The following TMEM165 variants were observed in gnomAD, a reference collection of about 807,000 sequenced individuals.
TMEM165 encodes putative divalent cation/proton antiporter TMEM165.
In TMEM165, 19 loss-of-function variants were observed where a neutral mutation model predicts 30.0. The ratio of observed to expected loss-of-function variants is 0.63; its 90% CI spans 0.44 to 0.93. The LOEUF is 0.93. TMEM165 is among the 40% of genes least tolerant of loss of function. TMEM165 has a pLI of 0.00. For missense variants in TMEM165, 340 were observed against 417.0 expected, an observed-to-expected ratio of 0.82 and a Z score of 1.61; for synonymous variants, 168 against 162.9, an observed-to-expected ratio of 1.03 and a Z score of -0.24.
chr4:55,448,677 A>C, intron 3 of TMEM165: 1 of 761,606 alleles, frequency 1.3e-6, no homozygotes, highest in Non-Finnish European at 2.2e-6. Flanking sequence ...AGCTGTGGCT[A>C]CAGGTGCTTG....
chr4:55,433,496 C>G (rs894298449), intron 3 of TMEM165: 61 of 152,192 alleles, frequency 4.0e-4, no homozygotes, highest in African/African-American at 1.4e-3. Context: ...TTAGCATTCC[C>G]CTGACCTCTT....
At chr4:55,414,475 T>C (rs1721648980) in intron 2 of TMEM165, among the ~76,000 whole-genome samples, 1 of 152,158 alleles carries the variant, frequency 6.6e-6, no homozygotes, top group Non-Finnish European at 1.5e-5. Flanking sequence ...CTGGGATACA[T>C]GTGCAGAACG....
At chr4:55,433,708 T>C (rs887648530) in intron 3 of TMEM165, 4 of 152,198 alleles carry the variant, frequency 2.6e-5, no homozygotes, top group African/African-American at 7.2e-5. Context: ...TCACTGTAAA[T>C]TTCATTAGTA....
At chr4:55,404,168 C>T (rs1392340062) in intron 1 of TMEM165, among the ~76,000 whole-genome samples, 12 of 150,844 alleles carry the variant, frequency 8.0e-5, no homozygotes, top group Admixed American at 3.3e-4. Flanking sequence ...TGCGCCACCA[C>T]GCCTGGCTAT....
rs1724200590 is a variant in TMEM165 at position 55,449,093 on chromosome 4, TA to T, written c.409-3142del. On this transcript the variant is annotated intron_variant, in intron 3 of 3. Coordinates refer to the TMEM165 transcript ENST00000608091. ...TACAGTACCTTGAACAAGCTCTCAA[TA>T]AAAGTTGGCCAGACTTAAGACAATT... 3.3e-5 allele frequency among the ~76,000 whole-genome samples: 5 copies of T among 151,868 alleles called. No individual in the cohort carries two copies. The South Asian group carries it at 1.0e-3, about 32-fold the overall frequency.
chr4:55,448,591 CGCACGCGCGCGTGT>C (rs1205030197), intron 3 of TMEM165, among the ~76,000 whole-genome samples: 1 of 81,048 alleles, frequency 1.2e-5, no homozygotes, highest in Non-Finnish European at 2.7e-5. Context: ...TGTGCGCGCG[CGCACGCGCGCGTGT>C]GTGTGTGTGT....
chr4:55,404,647 A>G (rs570661489), intron 1 of TMEM165, among the ~76,000 whole-genome samples: 1 of 151,628 alleles, frequency 6.6e-6, no homozygotes, highest in South Asian at 2.1e-4. Flanking sequence ...TATGTTGCCC[A>G]GGCTGGCCTC....
intron 3 of TMEM165, among the ~76,000 whole-genome samples, chr4:55,440,562 A>G (rs1425108850): frequency 6.6e-6 from 1 of 152,210 alleles, no homozygotes; most frequent in Non-Finnish European, 1.5e-5. Context: ...TCTATTTTAT[A>G]CACTACACAA....
intron 3 of TMEM165, chr4:55,438,265 C>A (rs147100605): frequency 6.2e-7 from 1 of 1,613,924 alleles, no homozygotes; most frequent in East Asian, 2.2e-5. Context: ...AAGCAGCTTC[C>A]CCATGGGGAG....
intron 1 of TMEM165, among the ~76,000 whole-genome samples, chr4:55,400,284 T>TATTATAGATA (rs1720919302): frequency 9.7e-6 from 1 of 103,172 alleles, no homozygotes; most frequent in African/African-American, 4.3e-5. Context: ...TATAATATTA[T>TATTATAGATA]ATATTATATA....
chr4:55,443,810 T>C (rs752888015), intron 3 of TMEM165: 1 of 1,613,988 alleles, frequency 6.2e-7, no homozygotes. Context: ...TATTTATAGG[T>C]GCAAGTTGCT....
In TMEM165 at chr4:55,441,796, TA is replaced by T. The variant is rs1723391267; in HGVS notation, c.409-10439del. On this transcript the variant is annotated intron_variant, in intron 3 of 3. Coordinates refer to the TMEM165 transcript ENST00000608091. ...TGCACTACTCAGGTGATCAGTGCAC[TA>T]AAATAAGTTATAGATGGTTGTTTTT... Among the ~76,000 whole-genome samples the T allele has an allele frequency of 3.9e-5, 6 of 152,164 alleles. 1 individual carries two copies. The South Asian group carries it at 1.2e-3, about 32-fold the overall frequency.
chr4:55,443,814 A>AT, intron 3 of TMEM165: 1 of 1,614,058 alleles, frequency 6.2e-7, no homozygotes. Context: ...TATAGGTGCA[A>AT]GTTGCTGGAT....
Position 55,449,171 on chromosome 4 carries a change from TAA to T in TMEM165, c.409-3056_409-3055del, listed in dbSNP as rs5858334. ...CTATCAATTTTGAGCTTTCCACAAT[TAA>T]AAAAAAAAAAACTAACATTTTACTT... On this transcript the variant is annotated intron_variant, in intron 3 of 3. Transcript: ENST00000608091. 4.9e-3 allele frequency among the ~76,000 whole-genome samples: 720 copies of T among 148,286 alleles called. 5 individuals are homozygous for T. The highest frequency in any genetic ancestry group is 7.4e-3 in the Non-Finnish European group (493 of 66,844).
chr4:55,449,615 C>G (rs1724245061), intron 3 of TMEM165: 1 of 845,002 alleles, frequency 1.2e-6, no homozygotes, highest in African/African-American at 1.7e-5. Context: ...CCAAACCATT[C>G]AATGAAAGTG....
At position 55,448,707 on chromosome 4, in the gene TMEM165, A is replaced by T. The variant is rs910709302; in HGVS notation, c.409-3532A>T. 1.5e-5 allele frequency: 20 copies of T among 1,331,356 alleles called. No individual in the cohort carries two copies. The African/African-American group carries it at 1.9e-4, about 13-fold the overall frequency. The allele number at this position is 1,331,356 out of a possible 1,614,324, so 82.5% of individuals were successfully genotyped here. A position where few individuals can be genotyped will look rare whatever the true frequency, so the allele number is the denominator to read the frequency against. On this transcript the variant is annotated intron_variant, in intron 3 of 3. Coordinates refer to the TMEM165 transcript ENST00000608091. ...TGCTTGCCAGCAAGCCTGGATTTTT[A>T]AAAAAATTACATTAGCTTAAAAGCA...
At chr4:55,416,935 G>T in intron 2 of TMEM165, 137 bp from the exon 3 acceptor site, 11 of 647,186 alleles carry the variant, frequency 1.7e-5, no homozygotes, top group South Asian at 5.0e-5. Context: ...AAATACTTGA[G>T]GTTATTACAT....
At chr4:55,448,156 T>C (rs940965103) in intron 3 of TMEM165, among the ~76,000 whole-genome samples, 4 of 152,192 alleles carry the variant, frequency 2.6e-5, no homozygotes, top group African/African-American at 9.6e-5. Flanking sequence ...CAATATAGCA[T>C]GGTATTGTAG....
At chr4:55,407,326 T>A (rs1227288829) in intron 1 of TMEM165, among the ~76,000 whole-genome samples, 2 of 152,268 alleles carry the variant, frequency 1.3e-5, no homozygotes, top group East Asian at 1.9e-4. Flanking sequence ...CCATGAGCCA[T>A]GAGTATGTGT....
Sources: gnomAD v4.1 joint callset for allele counts (sites outside exome capture counted in the v4.1 genomes callset) on GRCh38, gnomAD v4.1.1 for gene constraint, MANE v1.5 for transcripts, NCBI Gene and HGNC (gene_info 2026-07-23, HGNC 2026-07-21) for gene names.